FRMPD4: variants seen among roughly 807,000 people sequenced by gnomAD.
FRMPD4 encodes FERM and PDZ domain-containing protein 4.
A neutral mutation model predicts 94.1 loss-of-function variants in FRMPD4; 22 were observed. The ratio of observed to expected loss-of-function variants is 0.23; its 90% CI spans 0.17 to 0.33. The LOEUF is 0.33. FRMPD4 is among the 10% of genes least tolerant of loss of function. The probability of loss-of-function intolerance (pLI) is 1.00; values close to 1 mark genes in which losing one functional copy is unlikely to be tolerated. For missense variants in FRMPD4, 1,111 were observed against 1,339.9 expected, an observed-to-expected ratio of 0.83 and a Z score of 2.67; for synonymous variants, 631 against 548.6, an observed-to-expected ratio of 1.15 and a Z score of -2.10.
At chrX:12,661,145 A>G (rs1187215971) in intron 4 of FRMPD4, among the ~76,000 whole-genome samples, 1 of 112,210 alleles carries the variant, frequency 8.9e-6, no homozygotes, top group Non-Finnish European at 1.9e-5. Context: ...GTTAAAAGTG[A>G]GTCACAAGAT....
chrX:11,858,712 T>C (rs748823836), intron 1 of FRMPD4, among the ~76,000 whole-genome samples: 1 of 111,325 alleles, frequency 9.0e-6, no homozygotes, highest in East Asian at 2.8e-4. Flanking sequence ...AGTTAAGAAA[T>C]AAGAATGCTT....
chrX:11,974,520 G>A (rs1196820724), intron 3 of FRMPD4, among the ~76,000 whole-genome samples: 1 of 111,858 alleles, frequency 8.9e-6, no homozygotes, highest in Non-Finnish European at 1.9e-5. Context: ...CCCAGCCTCA[G>A]CTATTCCTTT....
At chrX:11,843,066 T>A (rs1215640138) in intron 1 of FRMPD4, among the ~76,000 whole-genome samples, 17 of 112,285 alleles carry the variant, frequency 1.5e-4, no homozygotes, top group Non-Finnish European at 3.2e-4. Context: ...CACATGGTTT[T>A]TTGTCCTTTA....
chrX:12,374,045 A>G (rs2056198841), intron 1 of FRMPD4, among the ~76,000 whole-genome samples: 1 of 111,676 alleles, frequency 9.0e-6, no homozygotes, highest in African/African-American at 3.3e-5. Context: ...CAAAGCCTTA[A>G]ATTCAGTTTG....
intron 1 of FRMPD4, among the ~76,000 whole-genome samples, chrX:11,827,110 C>A (rs2053448780): frequency 1.1e-5 from 1 of 95,195 alleles, no homozygotes; most frequent in Non-Finnish European, 2.1e-5. Context: ...CTGTATATAA[C>A]ATATATAAAA....
chrX:12,088,579 A>G (rs2055129381), intron 3 of FRMPD4, among the ~76,000 whole-genome samples: 1 of 111,979 alleles, frequency 8.9e-6, no homozygotes, highest in African/African-American at 3.2e-5. Flanking sequence ...GGCATGTTCC[A>G]GTGTGTTTAC....
chrX:12,543,502 C>T (rs2058439752), intron 2 of FRMPD4, among the ~76,000 whole-genome samples: 3 of 112,451 alleles, frequency 2.7e-5, no homozygotes, highest in Non-Finnish European at 3.8e-5. Context: ...CTCATCATCA[C>T]TGGCCATCAG....
intron 1 of FRMPD4, among the ~76,000 whole-genome samples, chrX:12,423,639 G>T (rs2056912348): frequency 9.0e-6 from 1 of 111,204 alleles, no homozygotes; most frequent in African/African-American, 3.3e-5. Context: ...CAATTCAGTG[G>T]CTGACTTTAT....
At chrX:12,525,218 A>G (rs2058210312) in intron 2 of FRMPD4, among the ~76,000 whole-genome samples, 1 of 111,191 alleles carries the variant, frequency 9.0e-6, no homozygotes, top group Non-Finnish European at 1.9e-5. Context: ...CCCCCTCGCC[A>G]CTTTTCTGCC....
intron 3 of FRMPD4, chrX:12,054,811 TA>T (rs1308286070): frequency 8.9e-6 from 1 of 112,143 alleles, no homozygotes; most frequent in Non-Finnish European, 1.9e-5. Flanking sequence ...ATAAAATGTT[TA>T]AAAAAATTTT....
intron 1 of FRMPD4, among the ~76,000 whole-genome samples, chrX:12,410,596 G>T (rs2056720131): frequency 2.7e-5 from 3 of 111,156 alleles, no homozygotes. Flanking sequence ...CCAATTTCAG[G>T]TCTGTCAAAA....
chrX:12,143,714 A>C (rs1043503328), intron 1 of FRMPD4, among the ~76,000 whole-genome samples: 6 of 112,181 alleles, frequency 5.3e-5, no homozygotes, highest in African/African-American at 1.9e-4. Context: ...ATCAGCACAC[A>C]TGCGGGCACA....
chrX:12,701,821 C>G, intron 9 of FRMPD4, 53 bp from the exon 10 acceptor site: 1 of 1,176,047 alleles, frequency 8.5e-7, no homozygotes, highest in Non-Finnish European at 1.2e-6. Flanking sequence ...TGTAAGTCCA[C>G]GCGCTGCGGC....
intron 2 of FRMPD4, among the ~76,000 whole-genome samples, chrX:12,562,855 G>T (rs1000304783): frequency 8.9e-6 from 1 of 111,946 alleles, no homozygotes; most frequent in African/African-American, 3.2e-5. Flanking sequence ...TTGCCGTGTT[G>T]CCCAGGCTGG....
intron 1 of FRMPD4, among the ~76,000 whole-genome samples, chrX:12,442,635 A>C (rs927923621): frequency 1.8e-5 from 2 of 111,626 alleles, no homozygotes; most frequent in Admixed American, 1.9e-4. Context: ...GGTGGGAATA[A>C]ATAATGGTGC....
chrX:12,288,929 G>A (rs750194025), intron 1 of FRMPD4, among the ~76,000 whole-genome samples: 1 of 112,256 alleles, frequency 8.9e-6, no homozygotes, highest in East Asian at 2.8e-4. Context: ...GGGCACACAG[G>A]TGTGTTAGGA....
At chrX:12,387,613 T>C (rs886869127) in intron 1 of FRMPD4, among the ~76,000 whole-genome samples, 7 of 111,569 alleles carry the variant, frequency 6.3e-5, no homozygotes, top group African/African-American at 2.3e-4. Flanking sequence ...GAAATCCCTC[T>C]TGTAGATGAG....
chrX:12,162,828 T>G (rs1027966856), intron 1 of FRMPD4, among the ~76,000 whole-genome samples: 1 of 111,690 alleles, frequency 9.0e-6, no homozygotes, highest in Non-Finnish European at 1.9e-5. Context: ...ACATACACTC[T>G]GCTTATGTTG....
At chrX:12,043,221 A>G (rs1285673778) in intron 3 of FRMPD4, among the ~76,000 whole-genome samples, 1 of 111,932 alleles carries the variant, frequency 8.9e-6, no homozygotes, top group Non-Finnish European at 1.9e-5. Flanking sequence ...TGAAAGCCCT[A>G]TGAACCGTAA....
Sources: gnomAD v4.1 joint callset for allele counts (sites outside exome capture counted in the v4.1 genomes callset) on GRCh38, gnomAD v4.1.1 for gene constraint, MANE v1.5 for transcripts, NCBI Gene and HGNC (gene_info 2026-07-23, HGNC 2026-07-21) for gene names.